The following FANCL variants were observed in gnomAD, a reference collection of about 807,000 sequenced individuals.
FANCL encodes the protein FA complementation group L.
In FANCL, 69 loss-of-function variants were observed where a neutral mutation model predicts 59.4. That is an observed-to-expected ratio of 1.16 (90% CI 0.96 to 1.42). FANCL has a LOEUF of 1.42. Among genes scored for constraint, FANCL ranks in the 40% most tolerant of loss-of-function variants. FANCL has a pLI of 0.00. For missense variants in FANCL, 519 were observed against 447.2 expected (o/e 1.16, Z -1.45); for synonymous variants, 180 against 147.1 (o/e 1.22, Z -1.62).
At chr2:58,231,851 C>T (rs991584772) in intron 2 of FANCL, among the ~76,000 whole-genome samples, 1 of 152,108 alleles carries the variant, frequency 6.6e-6, no homozygotes, top group Non-Finnish European at 1.5e-5. Context: ...AATGAGAGAA[C>T]TAATGTTTAA....
At chr2:58,210,933 G>A (rs537892034) in intron 5 of FANCL, among the ~76,000 whole-genome samples, 32 of 152,264 alleles carry the variant, frequency 2.1e-4, no homozygotes, top group African/African-American at 5.1e-4. Context: ...ACCCCCACCC[G>A]GCTGAGTTCA....
At chr2:58,167,916 A>G (rs115628734) in intron 7 of FANCL, among the ~76,000 whole-genome samples, 1,684 of 152,280 alleles carry the variant, frequency 0.011, 30 homozygotes, top group African/African-American at 0.036. Context: ...TTTTTTCTCC[A>G]ACTGCTTATT....
intron 1 of FANCL, among the ~76,000 whole-genome samples, chr2:58,236,432 T>C (rs1426440690): frequency 1.3e-5 from 2 of 151,212 alleles, no homozygotes; most frequent in Non-Finnish European, 3.0e-5. Context: ...ATAGATTTAA[T>C]ATGTATATTA....
chr2:58,216,484 T>C (rs774352583), intron 5 of FANCL, among the ~76,000 whole-genome samples: 1 of 152,098 alleles, frequency 6.6e-6, no homozygotes, highest in Non-Finnish European at 1.5e-5. Context: ...ATTAAGCCAG[T>C]TTCCTCATTT....
At chr2:58,227,629 C>T (rs1353412325) in intron 3 of FANCL, among the ~76,000 whole-genome samples, 1 of 152,126 alleles carries the variant, frequency 6.6e-6, no homozygotes, top group Non-Finnish European at 1.5e-5. Context: ...TTGTGTGTTC[C>T]TCCACCGATA....
At chr2:58,161,757 A>T (rs1339305594) in intron 11 of FANCL, 119 bp from the exon 12 acceptor site, 2 of 686,786 alleles carry the variant, frequency 2.9e-6, no homozygotes, top group Admixed American at 4.3e-5. Context: ...TGATGACATC[A>T]GGATAATTAA....
rs777055093 is a variant in FANCL, at chr2:58,200,103, GA to G, written c.472-1442del. Among the ~76,000 whole-genome samples, 1,234 of 129,180 alleles carry G rather than the reference GA, an allele frequency of 9.6e-3. 16 individuals are homozygous for G. Among genetic ancestry groups the G allele is most frequent in the African/African-American group, 0.029 (1,018 of 35,436 alleles). The allele number at this position is 129,180 out of a possible 152,430, so 84.7% of individuals were successfully genotyped here. A position where few individuals can be genotyped will look rare whatever the true frequency, so the allele number is the denominator to read the frequency against. ...AAAATATTCCAGTGGTCTACTTCTG[GA>G]AAAAAAAAAAAAGAAAAAAATATCA... On this transcript the variant is annotated intron_variant, in intron 6 of 13. Transcript: ENST00000233741.
chr2:58,241,141 T>C (rs1215001848), intron 1 of FANCL, 77 bp downstream of exon 1: 4 of 1,502,152 alleles, frequency 2.7e-6, no homozygotes, highest in Non-Finnish European at 3.7e-6. Flanking sequence ...CCTAACCTCC[T>C]AGCCCGTCAC....
chr2:58,171,510 AAATAACT>A (rs1009166613), intron 7 of FANCL, among the ~76,000 whole-genome samples: 2 of 152,202 alleles, frequency 1.3e-5, no homozygotes, highest in African/African-American at 4.8e-5. Context: ...AGAAGACAAG[AAATAACT>A]AAGATCAGAG....
chr2:58,180,137 G>A (rs1687783075), intron 7 of FANCL, among the ~76,000 whole-genome samples: 1 of 152,176 alleles, frequency 6.6e-6, no homozygotes, highest in African/African-American at 2.4e-5. Context: ...GTGTAAATTA[G>A]TTCAACCATT....
At chr2:58,231,581 T>C (rs1693580694) in intron 2 of FANCL, among the ~76,000 whole-genome samples, 1 of 152,224 alleles carries the variant, frequency 6.6e-6, no homozygotes, top group Admixed American at 6.5e-5. Flanking sequence ...GAGGCAGAAT[T>C]GAGATTTGGG....
intron 7 of FANCL, among the ~76,000 whole-genome samples, chr2:58,174,042 G>A (rs1204763646): frequency 1.3e-5 from 2 of 151,960 alleles, no homozygotes; most frequent in African/African-American, 2.4e-5. Flanking sequence ...GACAAAGAAG[G>A]CCATTACATA....
chr2:58,240,025 G>A (rs1359326052), intron 1 of FANCL, among the ~76,000 whole-genome samples: 1 of 151,580 alleles, frequency 6.6e-6, no homozygotes, highest in Non-Finnish European at 1.5e-5. Flanking sequence ...AATTCTAATG[G>A]GTGTACTTGT....
chr2:58,166,445 T>C (rs540725158), intron 7 of FANCL, among the ~76,000 whole-genome samples: 2 of 152,192 alleles, frequency 1.3e-5, no homozygotes, highest in Non-Finnish European at 2.9e-5. Flanking sequence ...CATTTAACTT[T>C]TAGCCAATCT....
At chr2:58,234,656 T>C (rs774632268) in intron 1 of FANCL, among the ~76,000 whole-genome samples, 1 of 151,962 alleles carries the variant, frequency 6.6e-6, no homozygotes, top group Non-Finnish European at 1.5e-5. Context: ...ATGATAAAAG[T>C]GATTCACAAT....
rs185505390 is a variant in FANCL, at chr2:58,178,853, C to G, written c.541-12979G>C. Among the ~76,000 whole-genome samples the G allele has an allele frequency of 2.0e-5, 3 of 152,294 alleles. No homozygotes were observed. In the East Asian group the frequency reaches 5.8e-4, roughly 29 times the overall value. On this transcript the variant is annotated intron_variant, in intron 7 of 13. Coordinates refer to ENST00000233741, the MANE Select transcript of FANCL (RefSeq NM_018062.4). The stretch of plus-strand genomic sequence containing the variant: ...AAACCCTATCATCTCAGCCCAAAAT[C>G]TCCTTAAGCTGATAAGCAACATCAG...
intron 5 of FANCL, among the ~76,000 whole-genome samples, chr2:58,210,648 A>G (rs1229593750): frequency 6.6e-6 from 1 of 152,208 alleles, no homozygotes; most frequent in Non-Finnish European, 1.5e-5. Flanking sequence ...TCTTCCACCG[A>G]TGAGCCTAAT....
Position 58,172,728 on chromosome 2 carries a change from G to A in FANCL, c.541-6854C>T, listed in dbSNP as rs570176536. Among the ~76,000 whole-genome samples the A allele has an allele frequency of 3.5e-3, 540 of 152,268 alleles. 8 individuals are homozygous for A. Among genetic ancestry groups the A allele is most frequent in the African/African-American group, 0.012 (510 of 41,562 alleles). ...AACTGGAAACTCTAAAAAGCAGAGC[G>A]CCTCTCCTCCTCCAAAGGAACACAG... On this transcript the variant is annotated intron_variant, in intron 7 of 13. Transcript: ENST00000233741.
At chr2:58,224,625 A>G (rs1288279962) in intron 4 of FANCL, among the ~76,000 whole-genome samples, 1 of 151,922 alleles carries the variant, frequency 6.6e-6, no homozygotes, top group Non-Finnish European at 1.5e-5. Flanking sequence ...AAATGGTCTC[A>G]ACAAGGATCA....
Sources: allele counts gnomAD v4.1 joint callset (sites outside exome capture counted in the v4.1 genomes callset), GRCh38; gene constraint gnomAD v4.1.1; transcripts MANE v1.5; gene names NCBI Gene and HGNC (gene_info 2026-07-23, HGNC 2026-07-21).